BCAS1: variants seen among roughly 807,000 people sequenced by gnomAD.
The protein encoded by BCAS1 is brain enriched myelin associated protein 1.
In BCAS1, 46 loss-of-function variants were observed where a neutral mutation model predicts 65.4. That is an observed-to-expected ratio of 0.70 (90% CI 0.55 to 0.90). The LOEUF (loss-of-function observed/expected upper bound fraction) is 0.90, where lower values mean the gene tolerates loss of function less well. BCAS1 is among the 40% of genes least tolerant of loss of function. BCAS1 has a pLI of 0.00. For synonymous variants in BCAS1, 298 were observed against 293.5 expected, an observed-to-expected ratio of 1.02 and a Z score of -0.16; for missense variants, 793 against 771.2, an observed-to-expected ratio of 1.03 and a Z score of -0.33.
At chr20:54,047,400 G>A (rs1300808992) in intron 3 of BCAS1, among the ~76,000 whole-genome samples, 2 of 152,204 alleles carry the variant, frequency 1.3e-5, no homozygotes, top group Non-Finnish European at 2.9e-5. Flanking sequence ...GGTTGTATGT[G>A]TGCATCTTTG....
chr20:54,037,968 T>C (rs1851330314), intron 3 of BCAS1, among the ~76,000 whole-genome samples: 1 of 151,426 alleles, frequency 6.6e-6, no homozygotes, highest in South Asian at 2.1e-4. Context: ...GATATCTATA[T>C]ATTTTTGGTT....
At position 53,990,753 on chromosome 20, in the gene BCAS1, C is replaced by G. The variant is rs1033453390; in HGVS notation, c.1062+1759G>C. ...AGGTGCAGAGGTAAAAGCCAATGAG[C>G]TCTAACAAACTGCTGCGTAAATAAG... On this transcript the variant is annotated intron_variant, in intron 7 of 12. Transcript: ENST00000688948. Among the ~76,000 whole-genome samples, 20 of 152,118 alleles carry G rather than the reference C, an allele frequency of 1.3e-4. 1 individual carries two copies. Among genetic ancestry groups the G allele is most frequent in the African/African-American group, 4.8e-4 (20 of 41,426 alleles).
chr20:54,018,401 C>CTT (rs35997009), intron 4 of BCAS1, among the ~76,000 whole-genome samples: 42 of 136,352 alleles, frequency 3.1e-4, no homozygotes, highest in African/African-American at 4.0e-4. Context: ...TATCCACTTA[C>CTT]TTTTTTTTTT....
At chr20:54,029,280 A>G (rs2091750254) in intron 3 of BCAS1, 2 of 968,236 alleles carry the variant, frequency 2.1e-6, no homozygotes, top group East Asian at 1.1e-4. Context: ...CTCCGTGAGC[A>G]GCATATTGTC....
intron 4 of BCAS1, among the ~76,000 whole-genome samples, chr20:54,008,031 C>T (rs1037578467): frequency 6.6e-6 from 1 of 152,122 alleles, no homozygotes; most frequent in Admixed American, 6.5e-5. Context: ...AAATCCTTTC[C>T]GAAAGCCTAC....
intron 7 of BCAS1, among the ~76,000 whole-genome samples, chr20:53,986,198 C>T (rs750321314): frequency 3.7e-4 from 56 of 152,282 alleles, no homozygotes; most frequent in Non-Finnish European, 6.8e-4. Context: ...TCCTTCCCTT[C>T]TTCCCTTCCT....
intron 4 of BCAS1, among the ~76,000 whole-genome samples, chr20:54,016,857 T>C (rs1161072254): frequency 6.6e-6 from 1 of 152,210 alleles, no homozygotes; most frequent in Non-Finnish European, 1.5e-5. Flanking sequence ...CAGCTGCTTA[T>C]ACTAATTGAA....
intron 4 of BCAS1, among the ~76,000 whole-genome samples, chr20:53,997,332 T>C (rs1277517110): frequency 1.3e-5 from 2 of 152,236 alleles, no homozygotes; most frequent in African/African-American, 4.8e-5. Context: ...CATAGAATAG[T>C]GCTATCTGTA....
intron 10 of BCAS1, among the ~76,000 whole-genome samples, chr20:53,960,469 T>TTA (rs1491321694): frequency 1.6e-4 from 10 of 63,116 alleles, no homozygotes; most frequent in Admixed American, 5.8e-4. Context: ...TTCAACTTCT[T>TTA]AAAAAAAAAA....
chr20:54,050,969 T>C (rs1028365365), intron 3 of BCAS1, among the ~76,000 whole-genome samples: 1 of 152,212 alleles, frequency 6.6e-6, no homozygotes, highest in Non-Finnish European at 1.5e-5. Context: ...CTCAAGGTGG[T>C]AAAAAGCCTT....
intron 1 of BCAS1, among the ~76,000 whole-genome samples, chr20:54,065,090 C>G (rs1201315323): frequency 6.6e-6 from 1 of 151,842 alleles, no homozygotes; most frequent in Non-Finnish European, 1.5e-5. Context: ...AATATTTCAA[C>G]TTTATGATGA....
At chr20:53,994,722 G>C (rs959481855) in intron 6 of BCAS1, among the ~76,000 whole-genome samples, 1 of 151,964 alleles carries the variant, frequency 6.6e-6, no homozygotes, top group Non-Finnish European at 1.5e-5. Context: ...TTAGTATTCT[G>C]TTCTTATGCT....
At chr20:53,982,283 T>G (rs948904332) in intron 8 of BCAS1, among the ~76,000 whole-genome samples, 1 of 152,182 alleles carries the variant, frequency 6.6e-6, no homozygotes, top group African/African-American at 2.4e-5. Flanking sequence ...ACAGAGCAAG[T>G]GAGAATCCAA....
At chr20:54,031,778 T>G (rs2091806206) in intron 3 of BCAS1, among the ~76,000 whole-genome samples, 1 of 151,382 alleles carries the variant, frequency 6.6e-6, no homozygotes, top group Non-Finnish European at 1.5e-5. Context: ...ACTCAGTGAC[T>G]TTGAGAGAAT....
At chr20:54,010,060 AAC>A (rs2091287293) in intron 4 of BCAS1, among the ~76,000 whole-genome samples, 1 of 152,212 alleles carries the variant, frequency 6.6e-6, no homozygotes, top group African/African-American at 2.4e-5. Context: ...GGAAGACAGT[AAC>A]AGAGGGTGCT....
At chr20:54,013,892 T>C (rs1036445373) in intron 4 of BCAS1, among the ~76,000 whole-genome samples, 13 of 152,258 alleles carry the variant, frequency 8.5e-5, no homozygotes, top group Non-Finnish European at 1.6e-4. Context: ...ATTTCTTATA[T>C]ATGCTCAAAG....
chr20:54,058,652 A>G lies in BCAS1; in HGVS notation c.67T>C (p.Tyr23His). ...TGTAATGGTTACTACACTACCTGGT[A>G]AGTCTCTGCTTCTGGTTCATTCTCT... Reference protein sequence around the residue: ...DQENEPEAETYQDNASALNGV... With the variant: ...DQENEPEAETHQDNASALNGV... The change falls in exon 2 of 13, where the codon TAC becomes CAC. Residue 23 changes from tyrosine (Y) to histidine (H), a missense_variant. Tyr to His is a moderately conservative substitution (Grantham distance 83, BLOSUM62 2). Transcript: ENST00000688948. 2 of 1,568,798 alleles carry G rather than the reference A, an allele frequency of 1.3e-6. No individual in the cohort carries two copies. Among genetic ancestry groups the G allele is most frequent in the Non-Finnish European group, 1.7e-6 (2 of 1,161,624 alleles).
intron 8 of BCAS1, among the ~76,000 whole-genome samples, chr20:53,983,585 G>C (rs2090537120): frequency 6.6e-6 from 1 of 152,144 alleles, no homozygotes; most frequent in South Asian, 2.1e-4. Context: ...GAAGTGTGCT[G>C]CTCAGATTCC....
At chr20:54,051,320 C>T (rs543168979) in intron 3 of BCAS1, among the ~76,000 whole-genome samples, 8 of 152,110 alleles carry the variant, frequency 5.3e-5, no homozygotes, top group African/African-American at 1.4e-4. Flanking sequence ...GATCTCTGTA[C>T]GCAACAGGAG....
Sources: allele counts gnomAD v4.1 joint callset (sites outside exome capture counted in the v4.1 genomes callset), GRCh38; gene constraint gnomAD v4.1.1; transcripts MANE v1.5; gene names NCBI Gene and HGNC (gene_info 2026-07-23, HGNC 2026-07-21).